Variants in LGI3 observed in about 807,000 individuals in gnomAD.
LGI3 encodes leucine rich repeat LGI family member 3, also known as leucine-rich repeat LGI family member 3.
A neutral mutation model predicts 55.4 loss-of-function variants in LGI3; 47 were observed. The ratio of observed to expected loss-of-function variants is 0.85; its 90% CI spans 0.67 to 1.08. The LOEUF is 1.08. LGI3 is among the 50% of genes least tolerant of loss of function. LGI3 has a pLI of 0.00. For synonymous variants in LGI3, 326 were observed against 315.0 expected, an observed-to-expected ratio of 1.04 and a Z score of -0.37; for missense variants, 664 against 726.3, an observed-to-expected ratio of 0.91 and a Z score of 0.99.
Position 22,153,986 on chromosome 8 carries a change from A to C in LGI3, c.476T>G (p.Leu159Arg). Residue 159 changes from leucine to arginine, a missense_variant, in exon 5 of 8, where the codon CTG (leucine) becomes CGG (arginine). Coordinates refer to ENST00000306317, the MANE Select transcript of LGI3 (RefSeq NM_139278.4). ...QTLPRDIFRP[L>R]DILNDLDLRG... Reference sequence around the variant, plus strand: ...GCCTTACAAGTCATTCAGGATGTCCAGGGGCCGGAAGATGTCTCTGGGCAG... The same window carrying C: ...GCCTTACAAGTCATTCAGGATGTCCCGGGGCCGGAAGATGTCTCTGGGCAG... 6.2e-7 allele frequency: 1 copy of C among 1,614,120 alleles called. No homozygotes were observed. The highest frequency in any genetic ancestry group is 8.5e-7 in the Non-Finnish European group (1 of 1,180,018).
rs759385759 is a variant in LGI3 at position 22,156,433 on chromosome 8, G to A, written c.110C>T (p.Pro37Leu). 15 of 1,575,552 alleles carry A rather than the reference G, an allele frequency of 9.5e-6. No individual in the cohort carries two copies. The Admixed American group carries it at 1.5e-4, about 15-fold the overall frequency. ...QVSAKRPPKT[P>L]PCPPSCSCTR... Reference sequence around the variant, plus strand: ...GCAAGAGCAGCTGGGCGGGCAGGGGGGCGTCTTGGGGGGCCTCTTAGCGCT... The same window carrying A: ...GCAAGAGCAGCTGGGCGGGCAGGGGAGCGTCTTGGGGGGCCTCTTAGCGCT... The change falls in exon 1 of 8, where the codon CCC becomes CTC. Residue 37 changes from proline to leucine, a missense_variant. Coordinates refer to ENST00000306317, the MANE Select transcript of LGI3 (RefSeq NM_139278.4).
chr8:22,153,873 G>T, intron 5 of LGI3, 95 bp downstream of exon 5: 2 of 1,313,328 alleles, frequency 1.5e-6, no homozygotes, highest in South Asian at 1.2e-5. Flanking sequence ...AGCCTCTCAA[G>T]ACCTTATGAC....
intron 7 of LGI3, among the ~76,000 whole-genome samples, chr8:22,150,437 C>A (rs1006991423): frequency 6.3e-5 from 9 of 143,992 alleles, no homozygotes; most frequent in Non-Finnish European, 1.2e-4. Flanking sequence ...TGGCTCGCTG[C>A]AAGCTCTGCC....
In LGI3 at chr8:22,156,518, C is replaced by T; in HGVS notation, c.25G>A (p.Gly9Ser). ...AGCGCCAGCAGCCCCGGCCCCGGGCCCCCCCTGGCCCGCAGCCCCGCCATG... is the reference window on the plus strand; with the variant it reads ...AGCGCCAGCAGCCCCGGCCCCGGGCTCCCCCTGGCCCGCAGCCCCGCCATG... MAGLRARG[G>S]PGPGLLALSA... is the part of the protein sequence containing the mutation. Residue 9 changes from glycine to serine, a missense_variant, in exon 1 of 8, where the codon GGC becomes AGC. Transcript: ENST00000306317. 2 of 1,359,106 alleles carry T rather than the reference C, an allele frequency of 1.5e-6. No individual in the cohort carries two copies. The highest frequency in any genetic ancestry group is 1.8e-5 in the South Asian group (1 of 55,988). 84.2% of individuals were successfully genotyped at this position (1,359,106 alleles called of 1,614,324 possible).
chr8:22,148,962 T>C lies in LGI3; in HGVS notation c.845A>G (p.His282Arg). 1.2e-6 allele frequency: 2 copies of C among 1,611,514 alleles called. No individual in the cohort carries two copies. The highest frequency in any genetic ancestry group is 1.7e-6 in the Non-Finnish European group (2 of 1,178,824). Residue 282 changes from histidine (H) to arginine (R), a missense_variant, in exon 8 of 8, where the codon CAC (histidine) becomes CGC (arginine). His to Arg is a conservative substitution (Grantham distance 29). Transcript: ENST00000306317. The surrounding 1 kb of genome is among the most constrained non-coding windows in gnomAD (Gnocchi z 7.0). ...YDRIPAPSAV[H>R]CKPMVVDSQL... Reference sequence around the variant, plus strand: ...GCTGTCCACCACCATCGGCTTGCAGTGCACTGCAGAGGGGGCTGTGCCAGG... The same window carrying C: ...GCTGTCCACCACCATCGGCTTGCAGCGCACTGCAGAGGGGGCTGTGCCAGG...
chr8:22,154,397 C>A (rs1827459326), intron 3 of LGI3, 163 bp downstream of exon 3: 3 of 785,810 alleles, frequency 3.8e-6, no homozygotes, highest in Admixed American at 3.9e-5. Flanking sequence ...AATGAAACGA[C>A]CTTCTGCTCA....
chr8:22,151,843 A>G lies in LGI3; in HGVS notation c.652T>C (p.Cys218Arg), dbSNP rs943358353. ...GGGCACCTCCTACCTGTGGTGATGC[A>G]ATCGAACTCCCGCAGCGGCAGGTCC... ...VQDLPLREFD[C>R]ITTDFVLYQT... is the part of the protein sequence containing the mutation. Residue 218 changes from cysteine to arginine, a missense_variant, in exon 6 of 8, where the codon TGC becomes CGC. Coordinates refer to ENST00000306317, the MANE Select transcript of LGI3 (RefSeq NM_139278.4). 7 of 1,609,184 alleles carry G rather than the reference A, an allele frequency of 4.4e-6. No homozygotes were observed. Among genetic ancestry groups the G allele is most frequent in the African/African-American group, 1.3e-5 (1 of 74,974 alleles).
Position 22,155,421 on chromosome 8 carries a change from C to T in LGI3, c.249G>A (p.Ala83=), listed in dbSNP as rs142850097. The change falls in exon 2 of 8, where the codon GCG becomes GCA. Residue 83 remains alanine (A), a synonymous_variant. Coordinates refer to ENST00000306317, the MANE Select transcript of LGI3 (RefSeq NM_139278.4). ...NAAFSEIQDG[A]FSHLPLLQFL... ...ACTGCAGCAGCGGGAGGTGGGAGAA[C>T]GCTCCATCCTGGATCTCTGAGAAGG... 50 of 1,613,806 alleles carry T rather than the reference C, an allele frequency of 3.1e-5. No individual in the cohort carries two copies. The African/African-American group carries it at 4.3e-4, about 14-fold the overall frequency.
chr8:22,151,633 G>T lies in LGI3; in HGVS notation c.685C>A (p.Leu229Met). 2 of 1,614,032 alleles carry T rather than the reference G, an allele frequency of 1.2e-6. No homozygotes were observed. The highest frequency in any genetic ancestry group is 1.7e-6 in the Non-Finnish European group (2 of 1,179,978). ...ITTDFVLYQT[L>M]AFPAVSAEPF... Reference sequence around the variant, plus strand: ...TCAGCCGACACTGCTGGGAAGGCCAGGGTCTGGTACAACACAAAATCTGCA... The same window carrying T: ...TCAGCCGACACTGCTGGGAAGGCCATGGTCTGGTACAACACAAAATCTGCA... Residue 229 changes from leucine to methionine, a missense_variant, in exon 7 of 8, where the codon CTG (leucine) becomes ATG (methionine). Physicochemically the swap from Leu to Met is conservative, Grantham distance 15 (BLOSUM62 2). Transcript: ENST00000306317.
chr8:22,148,933 G>C lies in LGI3; in HGVS notation c.874C>G (p.Leu292Val). ...AACAGCTGGGCCACGACCACGTACA[G>C]CTGGCTGTCCACCACCATCGGCTTG... The part of the protein sequence containing the change: ...HCKPMVVDSQ[L>V]YVVVAQLFGG... Residue 292 changes from leucine to valine, a missense_variant, in exon 8 of 8, where the codon CTG becomes GTG. Leu to Val is a conservative substitution (Grantham distance 32). Coordinates refer to ENST00000306317, the MANE Select transcript of LGI3 (RefSeq NM_139278.4). This position sits in a 1 kb window ranked among gnomAD's most constrained non-coding sequence, Gnocchi z 7.0. The C allele has an allele frequency of 6.2e-7, 1 of 1,613,988 alleles. No homozygotes were observed. The highest frequency in any genetic ancestry group is 8.5e-7 in the Non-Finnish European group (1 of 1,179,942).
chr8:22,156,002 T>G (rs1827489871), intron 1 of LGI3, among the ~76,000 whole-genome samples: 1 of 152,234 alleles, frequency 6.6e-6, no homozygotes, highest in Non-Finnish European at 1.5e-5. Flanking sequence ...TCTCCTGCCC[T>G]TGGTGTGACA....
chr8:22,155,033 T>A (rs1490069291), intron 2 of LGI3: 1 of 408,196 alleles, frequency 2.4e-6, no homozygotes, highest in Non-Finnish European at 4.5e-6. Flanking sequence ...CAGCTCTTTC[T>A]GGGAACTCTG....
Position 22,148,421 on chromosome 8 carries a change from C to T in LGI3, c.1386G>A (p.Leu462=), listed in dbSNP as rs761653198. 5.0e-6 allele frequency: 8 copies of T among 1,612,482 alleles called. No individual in the cohort carries two copies. Among genetic ancestry groups the T allele is most frequent in the East Asian group, 4.5e-5 (2 of 44,872 alleles). Residue 462 remains leucine (L), a synonymous_variant, in exon 8 of 8, where the codon CTG becomes CTA. Transcript: ENST00000306317. The surrounding 1 kb of genome is among the most constrained non-coding windows in gnomAD (Gnocchi z 7.0). ...EGTRFSEVQA[L]PSRGSLALQP... is the part of the protein sequence containing the mutation. Reference sequence around the variant, plus strand: ...GCAGGGCCAGCGAGCCCCGGGAGGGCAGGGCCTGCACCTCCGAGAAGCGGG... The same window carrying T: ...GCAGGGCCAGCGAGCCCCGGGAGGGTAGGGCCTGCACCTCCGAGAAGCGGG...
intron 6 of LGI3, 87 bp from the exon 7 acceptor site, chr8:22,151,740 G>A: frequency 1.3e-6 from 2 of 1,564,064 alleles, no homozygotes; most frequent in Non-Finnish European, 1.7e-6. Flanking sequence ...TGCTGCCGCT[G>A]GGTGTTGTGG....
At chr8:22,155,132 CCAGAG>C (rs1827470185) in intron 2 of LGI3, 1 of 531,338 alleles carries the variant, frequency 1.9e-6, no homozygotes, top group South Asian at 2.2e-5. Context: ...TCTGGGGTTT[CCAGAG>C]CAGCCAAGCC....
chr8:22,149,009 C>A (rs1827344633), intron 7 of LGI3, 32 bp from the exon 8 acceptor site: 1 of 1,531,008 alleles, frequency 6.5e-7, no homozygotes, highest in African/African-American at 1.4e-5. Flanking sequence ...CAGCATCAGG[C>A]AGGCCGGCGG....
In LGI3 at chr8:22,154,048, G is replaced by C. The variant is rs1431387038; in HGVS notation, c.423-9C>G. 2.5e-6 allele frequency: 4 copies of C among 1,614,076 alleles called. No homozygotes were observed. The highest frequency in any genetic ancestry group is 2.5e-6 in the Non-Finnish European group (3 of 1,180,036). On this transcript the variant is annotated splice_polypyrimidine_tract_variant and intron_variant, in intron 4 of 7. Coordinates refer to ENST00000306317, the MANE Select transcript of LGI3 (RefSeq NM_139278.4). Reference sequence around the variant, plus strand: ...TATTGTTGGCCAGCGAGCTGCAAAAGAGACCGCCAGGTCATCTGAAGATCA... The same window carrying C: ...TATTGTTGGCCAGCGAGCTGCAAAACAGACCGCCAGGTCATCTGAAGATCA...
Position 22,153,233 on chromosome 8 carries a change from C to T in LGI3, c.494+735G>A, listed in dbSNP as rs576416656. Among the ~76,000 whole-genome samples the T allele has an allele frequency of 4.0e-4, 60 of 151,230 alleles. No individual in the cohort carries two copies. In the South Asian group the frequency reaches 5.0e-3, roughly 13 times the overall value. On this transcript the variant is annotated intron_variant, in intron 5 of 7. Transcript: ENST00000306317. ...CCAAGTAGCCAGGATTACAGGCGCC[C>T]GCCACCACACCCAGATAATTATTGT...
At position 22,155,976 on chromosome 8, in the gene LGI3, C is replaced by G. The variant is rs374667594; in HGVS notation, c.206+361G>C. Among the ~76,000 whole-genome samples, 31 of 152,342 alleles carry G rather than the reference C, an allele frequency of 2.0e-4. No homozygotes were observed. The East Asian group carries it at 3.9e-3, about 19-fold the overall frequency. On this transcript the variant is annotated intron_variant, in intron 1 of 7. Coordinates refer to ENST00000306317, the MANE Select transcript of LGI3 (RefSeq NM_139278.4). ...TGGGAGGGCATAGCTCATTCTCATCCTGCTCTGGCCGCCACTCTCCTGCCC... is the reference window on the plus strand; with the variant it reads ...TGGGAGGGCATAGCTCATTCTCATCGTGCTCTGGCCGCCACTCTCCTGCCC...
Sources: gnomAD v4.1 joint callset for allele counts (sites outside exome capture counted in the v4.1 genomes callset) on GRCh38, gnomAD v4.1.1 for gene constraint, Gnocchi (gnomAD v3.1) non-coding constraint, MANE v1.5 for transcripts, NCBI Gene and HGNC (gene_info 2026-07-23, HGNC 2026-07-21) for gene names.